Variants in GPATCH2 observed in about 807,000 individuals in gnomAD.
The protein encoded by GPATCH2 is G patch domain-containing protein 2.
Under a neutral mutation model 58.0 loss-of-function variants are expected in GPATCH2, and 51 were observed. That is an observed-to-expected ratio of 0.88 (90% CI 0.70 to 1.11). The LOEUF is 1.11. Among genes scored for constraint, GPATCH2 ranks in the 50% most tolerant of loss-of-function variants. The probability of loss-of-function intolerance (pLI) is 0.00; values close to 1 mark genes in which losing one functional copy is unlikely to be tolerated. For synonymous variants in GPATCH2, 222 were observed against 218.5 expected (o/e 1.02, Z -0.14); for missense variants, 625 against 652.2 (o/e 0.96, Z 0.45).
intron 9 of GPATCH2, among the ~76,000 whole-genome samples, chr1:217,446,808 A>G (rs1659409382): frequency 6.6e-6 from 1 of 152,210 alleles, no homozygotes; most frequent in African/African-American, 2.4e-5. Flanking sequence ...GTTTGTACCC[A>G]TATGCCATAT....
At chr1:217,547,669 C>T (rs1046551925) in intron 5 of GPATCH2, among the ~76,000 whole-genome samples, 1 of 152,104 alleles carries the variant, frequency 6.6e-6, no homozygotes, top group Non-Finnish European at 1.5e-5. Flanking sequence ...ACACAGACAC[C>T]ATGGAATACT....
At chr1:217,547,188 C>G (rs1337030648) in intron 5 of GPATCH2, among the ~76,000 whole-genome samples, 1 of 151,946 alleles carries the variant, frequency 6.6e-6, no homozygotes, top group Non-Finnish European at 1.5e-5. Flanking sequence ...ATAGTGAAAC[C>G]CTGTCTCTAC....
At chr1:217,555,073 T>C (rs1348169785) in intron 5 of GPATCH2, among the ~76,000 whole-genome samples, 1 of 152,218 alleles carries the variant, frequency 6.6e-6, no homozygotes, top group Non-Finnish European at 1.5e-5. Context: ...ATCTTTCCCT[T>C]CTTGGAATTA....
At chr1:217,443,791 T>C (rs564182067) in intron 9 of GPATCH2, among the ~76,000 whole-genome samples, 1 of 152,322 alleles carries the variant, frequency 6.6e-6, no homozygotes, top group South Asian at 2.1e-4. Flanking sequence ...CTGTATCTAA[T>C]CTGTCATATA....
Position 217,491,698 on chromosome 1 carries a change from G to A in GPATCH2, c.1259C>T (p.Ser420Phe). Residue 420 changes from serine (S) to phenylalanine (F), a missense_variant, in exon 8 of 10, where the codon TCT becomes TTT. Transcript: ENST00000366935. Reference protein sequence around the residue: ...RAERGHKKNCSVRTASRQTSM... With the variant: ...RAERGHKKNCFVRTASRQTSM... ...TGCTTACCTGCTGGCTGTTCTCACA[G>A]AACAATTTTTCTTGTGTCCTCTTTC... 1 of 1,517,494 alleles carries A rather than the reference G, an allele frequency of 6.6e-7. No individual in the cohort carries two copies. Among genetic ancestry groups the A allele is most frequent in the Non-Finnish European group, 9.1e-7 (1 of 1,102,560 alleles). 94.0% of individuals were successfully genotyped at this position (1,517,494 alleles called of 1,614,324 possible).
rs139932700 is a variant in GPATCH2, at chr1:217,594,284, C to T, written c.1098+16037G>A. Among the ~76,000 whole-genome samples the T allele has an allele frequency of 6.5e-3, 987 of 152,106 alleles. 11 individuals carry two copies. The highest frequency in any genetic ancestry group is 0.023 in the African/African-American group (936 of 41,520). ...AGTATAATTTAGAACAGTTACAAAA[C>T]ATTTTTATATTTAACATGTGAGCTT... is the stretch of plus-strand genomic sequence containing the variant. On this transcript the variant is annotated intron_variant, in intron 5 of 9. Transcript: ENST00000366935.
At chr1:217,524,703 A>C (rs939319130) in intron 5 of GPATCH2, among the ~76,000 whole-genome samples, 2 of 151,216 alleles carry the variant, frequency 1.3e-5, no homozygotes, top group Non-Finnish European at 2.9e-5. Flanking sequence ...CACCCAAAAA[A>C]TACGAAAACC....
chr1:217,450,076 T>A (rs1659588456), intron 8 of GPATCH2, among the ~76,000 whole-genome samples: 1 of 152,066 alleles, frequency 6.6e-6, no homozygotes. Flanking sequence ...AAATAAGAAA[T>A]GGGCCAGTTA....
chr1:217,541,706 A>G (rs1014825850), intron 5 of GPATCH2, among the ~76,000 whole-genome samples: 3 of 152,254 alleles, frequency 2.0e-5, no homozygotes, highest in African/African-American at 7.2e-5. Flanking sequence ...AAATGCATAC[A>G]TATAGTAAAA....
chr1:217,548,294 A>C (rs1330912339), intron 5 of GPATCH2, among the ~76,000 whole-genome samples: 1 of 152,152 alleles, frequency 6.6e-6, no homozygotes, highest in African/African-American at 2.4e-5. Context: ...ATATCAGTAA[A>C]AAAACCAATG....
intron 2 of GPATCH2, among the ~76,000 whole-genome samples, chr1:217,617,022 ACAAAATAC>A (rs56124641): frequency 0.85 from 128,052 of 151,438 alleles, 54,472 homozygotes; most frequent in African/African-American, 0.92. Context: ...TCAAAGATAA[ACAAAATAC>A]CAAAATACAG....
chr1:217,608,216 GAA>G (rs35862723), intron 5 of GPATCH2: 87 of 854,626 alleles, frequency 1.0e-4, no homozygotes, highest in African/African-American at 1.9e-4. Context: ...AGATTTTATT[GAA>G]AAAAAAAAAT....
chr1:217,614,453 G>A (rs576881182), intron 2 of GPATCH2, among the ~76,000 whole-genome samples: 3 of 152,020 alleles, frequency 2.0e-5, no homozygotes, highest in African/African-American at 4.8e-5. Flanking sequence ...TGACTGCAAC[G>A]AGATGCTGAC....
chr1:217,627,681 A>G (rs1308053280), intron 1 of GPATCH2, among the ~76,000 whole-genome samples: 1 of 151,982 alleles, frequency 6.6e-6, no homozygotes, highest in Non-Finnish European at 1.5e-5. Context: ...CCTCTTTACC[A>G]TGGTTTGCTC....
intron 5 of GPATCH2, among the ~76,000 whole-genome samples, chr1:217,594,550 ATATT>A (rs1357725458): frequency 1.3e-5 from 2 of 152,132 alleles, no homozygotes; most frequent in African/African-American, 2.4e-5. Context: ...GTAATTATCT[ATATT>A]TAATCTATAT....
rs552840775 is a variant in GPATCH2 at position 217,435,717 on chromosome 1, T to A, written c.1367-4352A>T. On this transcript the variant is annotated intron_variant, in intron 9 of 9. Coordinates refer to ENST00000366935, the MANE Select transcript of GPATCH2 (RefSeq NM_018040.5). ...ATAACAATGATAAGTTATGATACTG[T>A]CCTCTGTTCTCAGCAACTAATTTAG... Among the ~76,000 whole-genome samples the A allele has an allele frequency of 3.3e-5, 5 of 152,328 alleles. No homozygotes were observed. The East Asian group carries it at 9.6e-4, about 29-fold the overall frequency.
intron 5 of GPATCH2, among the ~76,000 whole-genome samples, chr1:217,559,611 A>C (rs904526451): frequency 1.3e-5 from 2 of 152,198 alleles, no homozygotes; most frequent in African/African-American, 4.8e-5. Flanking sequence ...AACACTGAAA[A>C]GCAGGCAAGG....
intron 5 of GPATCH2, among the ~76,000 whole-genome samples, chr1:217,576,219 T>C (rs574266384): frequency 5.9e-5 from 9 of 152,284 alleles, no homozygotes; most frequent in African/African-American, 1.4e-4. Flanking sequence ...TGAATACATA[T>C]TTTTCCTGTC....
At chr1:217,431,492 C>G (rs371329658) in intron 9 of GPATCH2, 127 bp from the exon 10 acceptor site, 1 of 636,962 alleles carries the variant, frequency 1.6e-6, no homozygotes. Context: ...GAGGGGGTTG[C>G]GTATTCATCT....
Sources: gnomAD v4.1 joint callset for allele counts (sites outside exome capture counted in the v4.1 genomes callset) on GRCh38, gnomAD v4.1.1 for gene constraint, MANE v1.5 for transcripts, NCBI Gene and HGNC (gene_info 2026-07-23, HGNC 2026-07-21) for gene names.